NPL: variants seen among roughly 807,000 people sequenced by gnomAD.
NPL encodes the protein N-acetylneuraminate lyase.
Under a neutral mutation model 41.1 loss-of-function variants are expected in NPL, and 32 were observed. The observed-to-expected ratio is 0.78, with a 90% confidence interval of 0.59 to 1.05. The LOEUF is 1.05. Ranked by LOEUF, NPL falls within the 50% of genes least tolerant of loss-of-function variation. The pLI, the probability that NPL is intolerant of heterozygous loss-of-function variation, is 0.00. For missense variants in NPL, 321 were observed against 378.4 expected (o/e 0.85, Z 1.26); for synonymous variants, 128 against 134.9 (o/e 0.95, Z 0.35).
intron 12 of NPL, among the ~76,000 whole-genome samples, chr1:182,827,701 C>T (rs1392113004): frequency 6.6e-6 from 1 of 151,982 alleles, no homozygotes; most frequent in African/African-American, 2.4e-5. Context: ...CTTCTTTTAT[C>T]TCTGAGAAGT....
chr1:182,803,167 C>A (rs921377166), intron 3 of NPL, among the ~76,000 whole-genome samples: 2 of 152,092 alleles, frequency 1.3e-5, no homozygotes, highest in Admixed American at 1.3e-4. Context: ...AATAATTGAT[C>A]ATGGATAATG....
intron 10 of NPL, among the ~76,000 whole-genome samples, chr1:182,819,532 A>G (rs12073427): frequency 0.081 from 12,297 of 151,936 alleles, 1,334 homozygotes; most frequent in African/African-American, 0.25. Context: ...AATCACCTGA[A>G]CCCAGGAGAC....
At chr1:182,816,254 G>A (rs939405667) in intron 7 of NPL, among the ~76,000 whole-genome samples, 12 of 152,216 alleles carry the variant, frequency 7.9e-5, no homozygotes, top group Non-Finnish European at 1.2e-4. Flanking sequence ...TGCAAAATGT[G>A]CCACTACTGC....
chr1:182,827,331 T>A (rs1311329780), intron 12 of NPL, among the ~76,000 whole-genome samples: 1 of 152,230 alleles, frequency 6.6e-6, no homozygotes, highest in Non-Finnish European at 1.5e-5. Flanking sequence ...ATATTAACAG[T>A]GTACCTGATC....
intron 12 of NPL, among the ~76,000 whole-genome samples, chr1:182,827,235 A>G (rs1044035282): frequency 5.3e-5 from 8 of 152,244 alleles, no homozygotes; most frequent in African/African-American, 1.9e-4. Context: ...TCTGAACGCA[A>G]TAGCCAGCTA....
intron 7 of NPL, among the ~76,000 whole-genome samples, chr1:182,816,417 T>TTA (rs35757379): frequency 0.081 from 12,326 of 152,248 alleles, 1,333 homozygotes; most frequent in African/African-American, 0.25. Context: ...CATGATGGAC[T>TTA]TGTTTTTCAT....
Position 182,829,939 on chromosome 1 carries a change from C to A in NPL, c.*1031C>A. On this transcript the variant is annotated 3_prime_UTR_variant, in exon 13 of 13. Coordinates refer to ENST00000367553, the MANE Select transcript of NPL (RefSeq NM_030769.3). ...AACCTTGATATAAGCTTTCTGATATCAAAGTATATTGACAGTTAACCCTTA... is the reference window on the plus strand; with the variant it reads ...AACCTTGATATAAGCTTTCTGATATAAAAGTATATTGACAGTTAACCCTTA... 3.1e-6 allele frequency: 1 copy of A among 318,868 alleles called. No homozygotes were observed. The highest frequency in any genetic ancestry group is 5.8e-6 in the Non-Finnish European group (1 of 172,730). 19.8% of individuals were successfully genotyped at this position (318,868 alleles called of 1,614,324 possible).
At chr1:182,818,037 G>T (rs1172455864) in intron 8 of NPL, among the ~76,000 whole-genome samples, 6 of 152,124 alleles carry the variant, frequency 3.9e-5, no homozygotes, top group Non-Finnish European at 8.8e-5. Context: ...GGTTCCCCTG[G>T]CAACCAGCCC....
At chr1:182,814,671 G>A (rs1051883514) in intron 6 of NPL, 112 bp from the exon 7 acceptor site, 6 of 890,944 alleles carry the variant, frequency 6.7e-6, no homozygotes, top group African/African-American at 1.6e-5. Context: ...CCACTTTCCA[G>A]TGGTACATCA....
chr1:182,807,719 A>C lies in NPL; in HGVS notation c.230+1487A>C, dbSNP rs1382327939. ...ATGAAACCCCGTCTCTACTAAAAAT[A>C]CAAAAAAAAAAAAAAAAAAAAATTA... On this transcript the variant is annotated intron_variant, in intron 5 of 12. Coordinates refer to ENST00000367553, the MANE Select transcript of NPL (RefSeq NM_030769.3). 2.2e-5 allele frequency among the ~76,000 whole-genome samples: 3 copies of C among 133,486 alleles called. No homozygotes were observed. In the Admixed American group the frequency reaches 2.3e-4, roughly 10 times the overall value. The allele number at this position is 133,486 out of a possible 152,430, so 87.6% of individuals were successfully genotyped here. A position where few individuals can be genotyped will look rare whatever the true frequency, so the allele number is the denominator to read the frequency against.
chr1:182,793,205 T>A (rs115051575), intron 2 of NPL, among the ~76,000 whole-genome samples: 6 of 152,186 alleles, frequency 3.9e-5, no homozygotes, highest in Non-Finnish European at 7.3e-5. Context: ...CAAAAAACAA[T>A]AATGCTTCTA....
intron 8 of NPL, 61 bp from the exon 9 acceptor site, chr1:182,818,480 T>C: frequency 6.2e-7 from 1 of 1,601,306 alleles, no homozygotes; most frequent in Non-Finnish European, 8.5e-7. Flanking sequence ...TGCATGACAC[T>C]ATATGAGATG....
At chr1:182,821,355 T>C (rs1667482054) in intron 10 of NPL, among the ~76,000 whole-genome samples, 1 of 152,220 alleles carries the variant, frequency 6.6e-6, no homozygotes, top group African/African-American at 2.4e-5. Context: ...TTATTTAAGA[T>C]ATTTATCTTT....
rs1667006640 is a variant in NPL at position 182,806,269 on chromosome 1, A to C, written c.230+37A>C. The C allele has an allele frequency of 8.1e-6, 13 of 1,613,638 alleles. No individual in the cohort carries two copies. In the East Asian group the frequency reaches 2.9e-4, roughly 36 times the overall value. ...CATGAGGATAAAAATGCCCTTTGGC[A>C]ACAGCTGTATTCAGTGAGCCTCTTC... On this transcript the variant is annotated intron_variant, in intron 5 of 12. Coordinates refer to ENST00000367553, the MANE Select transcript of NPL (RefSeq NM_030769.3).
chr1:182,810,138 C>T (rs1013098912), intron 5 of NPL, among the ~76,000 whole-genome samples: 71 of 152,262 alleles, frequency 4.7e-4, no homozygotes, highest in African/African-American at 1.4e-3. Context: ...GTGTCTCTGT[C>T]TCATGAGGGC....
intron 2 of NPL, 28 bp from the exon 3 acceptor site, chr1:182,794,326 AAG>A (rs1666596176): frequency 6.3e-7 from 1 of 1,575,754 alleles, no homozygotes; most frequent in Non-Finnish European, 8.7e-7. Context: ...TCCTTGAAGA[AAG>A]AGAGAAATTA....
At chr1:182,800,435 CAAAAA>C (rs1053733197) in intron 3 of NPL, among the ~76,000 whole-genome samples, 11 of 51,556 alleles carry the variant, frequency 2.1e-4, no homozygotes, top group African/African-American at 5.4e-4. Flanking sequence ...GACCCTGTCT[CAAAAA>C]AAAAAAAAAA....
intron 11 of NPL, among the ~76,000 whole-genome samples, chr1:182,824,792 G>A (rs12062846): frequency 0.034 from 5,181 of 152,152 alleles, 215 homozygotes; most frequent in African/African-American, 0.093. Context: ...GCGAGACTCT[G>A]TCTCAAAAAC....
Position 182,829,545 on chromosome 1 carries a change from A to G in NPL, c.*637A>G. On this transcript the variant is annotated 3_prime_UTR_variant, in exon 13 of 13. Coordinates refer to ENST00000367553, the MANE Select transcript of NPL (RefSeq NM_030769.3). Reference sequence around the variant, plus strand: ...ACTAAGTAAAGGGCGGCTTTCTCATAACAAAGGAAAAAGTCTTCCCCAAAG... The same window carrying G: ...ACTAAGTAAAGGGCGGCTTTCTCATGACAAAGGAAAAAGTCTTCCCCAAAG... 1 of 1,524,608 alleles carries G rather than the reference A, an allele frequency of 6.6e-7. No individual in the cohort carries two copies. Among genetic ancestry groups the G allele is most frequent in the Non-Finnish European group, 8.9e-7 (1 of 1,125,570 alleles). The allele number at this position is 1,524,608 out of a possible 1,614,324, so 94.4% of individuals were successfully genotyped here.
Sources: allele counts gnomAD v4.1 joint callset (sites outside exome capture counted in the v4.1 genomes callset), GRCh38; gene constraint gnomAD v4.1.1; transcripts MANE v1.5; gene names NCBI Gene and HGNC (gene_info 2026-07-23, HGNC 2026-07-21).